Variants in PLA2R1 observed in about 807,000 individuals in gnomAD.
PLA2R1 encodes phospholipase A2 receptor 1.
In PLA2R1, 158 loss-of-function variants were observed where a neutral mutation model predicts 195.9. The observed-to-expected ratio is 0.81, with a 90% CI of 0.71 to 0.92. The LOEUF is 0.92. Among genes scored for constraint, PLA2R1 ranks in the 40% least tolerant of loss-of-function variants. The pLI is 0.00. For missense variants in PLA2R1, 1,626 were observed against 1,764.6 expected, an observed-to-expected ratio of 0.92 and a Z score of 1.41; for synonymous variants, 586 against 598.2, an observed-to-expected ratio of 0.98 and a Z score of 0.30.
chr2:159,941,611 A>T lies in PLA2R1; in HGVS notation c.*167T>A, dbSNP rs1687088266. ...TAGGGAAATGAATAAATCAAAACCCATCTGATTTGGTTAAGATTCAAAACC... is the reference window on the plus strand; with the variant it reads ...TAGGGAAATGAATAAATCAAAACCCTTCTGATTTGGTTAAGATTCAAAACC... On this transcript the variant is annotated 3_prime_UTR_variant, in exon 30 of 30. Coordinates refer to ENST00000283243, the MANE Select transcript of PLA2R1 (RefSeq NM_007366.5). 1.8e-6 allele frequency: 1 copy of T among 541,286 alleles called. No homozygotes were observed. Among genetic ancestry groups the T allele is most frequent in the South Asian group, 2.7e-5 (1 of 37,148 alleles). The allele number at this position is 541,286 out of a possible 1,614,324, so 33.5% of individuals were successfully genotyped here. A position where few individuals can be genotyped will look rare whatever the true frequency, so the allele number is the denominator to read the frequency against.
At chr2:160,024,119 C>T (rs1693345227) in intron 6 of PLA2R1, among the ~76,000 whole-genome samples, 1 of 152,194 alleles carries the variant, frequency 6.6e-6, no homozygotes, top group South Asian at 2.1e-4. Flanking sequence ...TCTGATGCTG[C>T]ACCCTGTCTC....
chr2:160,018,071 T>C (rs1435766594), intron 8 of PLA2R1, among the ~76,000 whole-genome samples: 1 of 152,186 alleles, frequency 6.6e-6, no homozygotes, highest in African/African-American at 2.4e-5. Context: ...TAAGTTCTAC[T>C]CCATGGAAAT....
intron 4 of PLA2R1, among the ~76,000 whole-genome samples, chr2:160,032,350 T>G (rs1337373409): frequency 6.6e-6 from 1 of 152,198 alleles, no homozygotes; most frequent in Non-Finnish European, 1.5e-5. Context: ...AAGAGGTGAA[T>G]GTACACACAT....
At chr2:160,021,779 A>C (rs971728278) in intron 7 of PLA2R1, among the ~76,000 whole-genome samples, 2 of 152,224 alleles carry the variant, frequency 1.3e-5, no homozygotes, top group African/African-American at 4.8e-5. Flanking sequence ...TATTTTTTAA[A>C]GTATTTTTTT....
intron 20 of PLA2R1, among the ~76,000 whole-genome samples, chr2:159,962,492 T>C (rs1394378339): frequency 6.6e-6 from 1 of 152,206 alleles, no homozygotes; most frequent in Admixed American, 6.5e-5. Flanking sequence ...CCCAAGGATC[T>C]AGAACTAGAA....
chr2:159,990,326 C>T (rs951622516), intron 11 of PLA2R1, among the ~76,000 whole-genome samples: 1 of 152,162 alleles, frequency 6.6e-6, no homozygotes, highest in Non-Finnish European at 1.5e-5. Context: ...CCCCACCCCA[C>T]TCACTCTCTC....
At chr2:160,049,697 G>A (rs555526387) in intron 1 of PLA2R1, among the ~76,000 whole-genome samples, 2 of 152,082 alleles carry the variant, frequency 1.3e-5, no homozygotes, top group Non-Finnish European at 2.9e-5. Context: ...GTGGTGGTGC[G>A]TGCCTGTATT....
At chr2:160,028,148 A>G (rs1693635335) in intron 6 of PLA2R1, 70 bp downstream of exon 6, 2 of 1,023,464 alleles carry the variant, frequency 2.0e-6, no homozygotes, top group African/African-American at 1.6e-5. Flanking sequence ...AGCAAAAAAT[A>G]GAGAAATTTA....
intron 8 of PLA2R1, among the ~76,000 whole-genome samples, chr2:160,019,115 T>C (rs2105459927): frequency 6.6e-6 from 1 of 152,310 alleles, no homozygotes; most frequent in African/African-American, 2.4e-5. Context: ...ATGCTTTAGA[T>C]AAATGAGAGA....
Position 160,020,248 on chromosome 2 carries a change from G to A in PLA2R1, c.1310C>T (p.Thr437Ile). Residue 437 changes from threonine (T) to isoleucine (I), a missense_variant, in exon 8 of 30, where the codon ACA (threonine) becomes ATA (isoleucine). Thr to Ile is a moderately conservative substitution (Grantham distance 89, BLOSUM62 -1). Transcript: ENST00000283243. ...TLLGDENASETWIGLSSNKIP... is the reference protein window; with the variant it reads ...TLLGDENASEIWIGLSSNKIP... Reference sequence around the variant, plus strand: ...TTTATTGCTGCTCAAACCAATCCATGTTTCTGATGCATTTTCTGTAAGAGA... The same window carrying A: ...TTTATTGCTGCTCAAACCAATCCATATTTCTGATGCATTTTCTGTAAGAGA... 6.2e-7 allele frequency: 1 copy of A among 1,608,296 alleles called. No individual in the cohort carries two copies. The highest frequency in any genetic ancestry group is 8.5e-7 in the Non-Finnish European group (1 of 1,176,810).
At chr2:159,982,595 C>A (rs1265697356) in intron 13 of PLA2R1, among the ~76,000 whole-genome samples, 1 of 152,218 alleles carries the variant, frequency 6.6e-6, no homozygotes, top group Non-Finnish European at 1.5e-5. Context: ...TCCTTCCTCC[C>A]CTGCAGAATG....
At position 160,062,474 on chromosome 2, in the gene PLA2R1, C is replaced by T. The variant is rs927598930; in HGVS notation, c.-71G>A. 1.4e-6 allele frequency: 2 copies of T among 1,452,088 alleles called. No individual in the cohort carries two copies. Among genetic ancestry groups the T allele is most frequent in the Non-Finnish European group, 9.0e-7 (1 of 1,106,370 alleles). 90.0% of individuals were successfully genotyped at this position (1,452,088 alleles called of 1,614,324 possible). A position where few individuals can be genotyped will look rare whatever the true frequency, so the allele number is the denominator to read the frequency against. ...TTATCCCGGGAGCCCAGAGCCGCGT[C>T]CCAAGCACCCGGCCCCGCCGCGCGG... is the stretch of plus-strand genomic sequence containing the variant. On this transcript the variant is annotated 5_prime_UTR_variant, in exon 1 of 30. Coordinates refer to ENST00000283243, the MANE Select transcript of PLA2R1 (RefSeq NM_007366.5).
chr2:160,013,701 C>CTCTG lies in PLA2R1; in HGVS notation c.1552-327_1552-326insCAGA, dbSNP rs1402140433. Among the ~76,000 whole-genome samples, 738 of 131,018 alleles carry CTCTG rather than the reference C, an allele frequency of 5.6e-3. 11 individuals carry two copies. The highest frequency in any genetic ancestry group is 0.01 in the African/African-American group (356 of 34,746). The allele number at this position is 131,018 out of a possible 152,430, so 86.0% of individuals were successfully genotyped here. A position where few individuals can be genotyped will look rare whatever the true frequency, so the allele number is the denominator to read the frequency against. On this transcript the variant is annotated intron_variant, in intron 9 of 29. Coordinates refer to ENST00000283243, the MANE Select transcript of PLA2R1 (RefSeq NM_007366.5). ...TCTCTCTCTCTCTCTCTCTCTCTCT[C>CTCTG]TGTCTCTCTCTCTCTCTCTCTGTGT...
At chr2:159,988,250 T>C (rs1690500465) in intron 11 of PLA2R1, among the ~76,000 whole-genome samples, 1 of 151,952 alleles carries the variant, frequency 6.6e-6, no homozygotes. Context: ...AGAATGAGCT[T>C]GTTTTTTCTT....
At chr2:160,039,523 A>T (rs1249233826) in intron 3 of PLA2R1, among the ~76,000 whole-genome samples, 1 of 152,124 alleles carries the variant, frequency 6.6e-6, no homozygotes, top group Non-Finnish European at 1.5e-5. Flanking sequence ...ATTTAAAAAA[A>T]TTTCCCACAT....
At chr2:160,046,500 T>G (rs1020235692) in intron 1 of PLA2R1, among the ~76,000 whole-genome samples, 3 of 152,324 alleles carry the variant, frequency 2.0e-5, no homozygotes, top group Admixed American at 2.0e-4. Context: ...CAATGCTTCA[T>G]TCTGGTAAAC....
downstream of PLA2R1, among the ~76,000 whole-genome samples, chr2:159,930,208 G>A (rs908941179): frequency 3.3e-5 from 5 of 152,100 alleles, no homozygotes; most frequent in South Asian, 2.1e-4. Context: ...GGAGATCGAG[G>A]CCATCCTGGC....
intron 11 of PLA2R1, among the ~76,000 whole-genome samples, chr2:159,989,961 T>C (rs3792168): frequency 0.36 from 54,532 of 152,140 alleles, 12,300 homozygotes; most frequent in Non-Finnish European, 0.49. Context: ...AGGAGATGTT[T>C]GTGAACCACT....
chr2:160,025,080 C>T (rs907986048), intron 6 of PLA2R1, among the ~76,000 whole-genome samples: 1 of 152,130 alleles, frequency 6.6e-6, no homozygotes, highest in African/African-American at 2.4e-5. Context: ...TTCCCTGGAG[C>T]CAAACCTCCA....
Sources: allele counts gnomAD v4.1 joint callset (sites outside exome capture counted in the v4.1 genomes callset), GRCh38; gene constraint gnomAD v4.1.1; transcripts MANE v1.5; gene names NCBI Gene and HGNC (gene_info 2026-07-23, HGNC 2026-07-21).